Variants in GALNT18 observed in about 807,000 individuals in gnomAD.
GALNT18 encodes the protein GalNAc-transferase 18.
A neutral mutation model predicts 69.5 loss-of-function variants in GALNT18; 44 were observed. That is an observed-to-expected ratio of 0.63 (90% confidence interval 0.50 to 0.81). The LOEUF is 0.81. Ranked by LOEUF, GALNT18 falls within the 40% of genes least tolerant of loss-of-function variation. The pLI is 0.00. For synonymous variants in GALNT18, 364 were observed against 318.2 expected, an observed-to-expected ratio of 1.14 and a Z score of -1.53; for missense variants, 715 against 810.0, an observed-to-expected ratio of 0.88 and a Z score of 1.42.
chr11:11,293,149 C>G lies in GALNT18; in HGVS notation c.1557G>C (p.Leu519=). ...TSSQQIHVGI[L]SPTVDDDDNR... Reference sequence around the variant, plus strand: ...TGTCATCATCATCCACGGTGGGGCTCAGAATGCCCACATGGATCTGCTGAC... The same window carrying G: ...TGTCATCATCATCCACGGTGGGGCTGAGAATGCCCACATGGATCTGCTGAC... Residue 519 remains leucine (L), a synonymous_variant, in exon 10 of 11, where the codon CTG becomes CTC. Coordinates refer to ENST00000227756, the MANE Select transcript of GALNT18 (RefSeq NM_198516.3). 1.5e-6 allele frequency: 2 copies of G among 1,353,226 alleles called. No individual in the cohort carries two copies. The highest frequency in any genetic ancestry group is 1.9e-6 in the Non-Finnish European group (2 of 1,042,524). 83.8% of individuals were successfully genotyped at this position (1,353,226 alleles called of 1,614,324 possible).
chr11:11,328,719 T>C (rs925829172), intron 8 of GALNT18, among the ~76,000 whole-genome samples: 1 of 152,234 alleles, frequency 6.6e-6, no homozygotes, highest in African/African-American at 2.4e-5. Context: ...TCCTCCATTA[T>C]AAACCAATTC....
chr11:11,281,681 A>G (rs1196044681), intron 10 of GALNT18, among the ~76,000 whole-genome samples: 1 of 152,138 alleles, frequency 6.6e-6, no homozygotes, highest in Non-Finnish European at 1.5e-5. Flanking sequence ...AGCATCCTTC[A>G]GAGACTCCCA....
chr11:11,607,741 A>G (rs1176876960), intron 1 of GALNT18, among the ~76,000 whole-genome samples: 1 of 152,176 alleles, frequency 6.6e-6, no homozygotes, highest in East Asian at 1.9e-4. Context: ...ATTTGGTTTG[A>G]AAGTTGAGTT....
intron 1 of GALNT18, among the ~76,000 whole-genome samples, chr11:11,519,656 G>A (rs367701258): frequency 2.6e-5 from 4 of 152,058 alleles, no homozygotes; most frequent in Admixed American, 6.5e-5. Context: ...ATCTCCCCTC[G>A]GAGAGCTCTC....
Position 11,372,396 on chromosome 11 carries a change from G to C in GALNT18, c.1092+119C>G. The C allele has an allele frequency of 1.3e-6, 1 of 754,282 alleles. No individual in the cohort carries two copies. Among genetic ancestry groups the C allele is most frequent in the Non-Finnish European group, 2.3e-6 (1 of 439,918 alleles). The allele number at this position is 754,282 out of a possible 1,614,324, so 46.7% of individuals were successfully genotyped here. ...CAATCCCAATCACACACAGGATTCA[G>C]GACTGGACATTCAGAATCAGTCTGT... On this transcript the variant is annotated intron_variant, in intron 6 of 10. Coordinates refer to ENST00000227756, the MANE Select transcript of GALNT18 (RefSeq NM_198516.3). The surrounding 1 kb of genome is among the most constrained non-coding windows in gnomAD (Gnocchi z 4.9).
intron 1 of GALNT18, among the ~76,000 whole-genome samples, chr11:11,549,158 T>C (rs114768394): frequency 0.022 from 3,328 of 152,290 alleles, 86 homozygotes; most frequent in African/African-American, 0.057. Flanking sequence ...GCACACATAA[T>C]GACTGGAGCT....
At chr11:11,379,367 G>C in intron 3 of GALNT18, 103 bp from the exon 4 acceptor site, 1 of 1,172,576 alleles carries the variant, frequency 8.5e-7, no homozygotes, top group Non-Finnish European at 1.2e-6. Flanking sequence ...GAGAAAGGCT[G>C]GGGGACCCAT....
chr11:11,291,885 A>G (rs530581314), intron 10 of GALNT18, among the ~76,000 whole-genome samples: 26 of 152,322 alleles, frequency 1.7e-4, no homozygotes, highest in Non-Finnish European at 2.9e-4. Flanking sequence ...CCCAGACCAC[A>G]GTCAAAGGTG....
At chr11:11,561,962 A>G (rs1858521041) in intron 1 of GALNT18, among the ~76,000 whole-genome samples, 1 of 152,362 alleles carries the variant, frequency 6.6e-6, no homozygotes, top group East Asian at 1.9e-4. Flanking sequence ...ACAGGGGTGA[A>G]GGGACCTGCC....
rs76904655 is a variant in GALNT18, at chr11:11,596,009, A to G, written c.235+25350T>C. Among the ~76,000 whole-genome samples the G allele has an allele frequency of 5.6e-4, 85 of 152,152 alleles. 1 individual carries two copies. In the East Asian group the frequency reaches 0.016, roughly 28 times the overall value. Reference sequence around the variant, plus strand: ...AGGTTTGTCTTCTTCTAAGAGTTCTATGATTTTATCTCTTATATTTAGTTC... The same window carrying G: ...AGGTTTGTCTTCTTCTAAGAGTTCTGTGATTTTATCTCTTATATTTAGTTC... On this transcript the variant is annotated intron_variant, in intron 1 of 10. Coordinates refer to ENST00000227756, the MANE Select transcript of GALNT18 (RefSeq NM_198516.3). The surrounding 1 kb of genome is among the most constrained non-coding windows in gnomAD (Gnocchi z 4.2).
chr11:11,281,876 G>T (rs1283003052), intron 10 of GALNT18, among the ~76,000 whole-genome samples: 1 of 151,938 alleles, frequency 6.6e-6, no homozygotes, highest in Non-Finnish European at 1.5e-5. Flanking sequence ...GTCAGGGAGG[G>T]TGGAGTATGA....
At chr11:11,429,488 T>C (rs1257362517) in intron 3 of GALNT18, among the ~76,000 whole-genome samples, 1 of 152,202 alleles carries the variant, frequency 6.6e-6, no homozygotes, top group African/African-American at 2.4e-5. Context: ...GCCGTGCAGT[T>C]TGCTGGCTTA....
intron 1 of GALNT18, among the ~76,000 whole-genome samples, chr11:11,514,116 TGGACCCAAACCCATCC>T (rs1420091432): frequency 6.6e-6 from 1 of 152,206 alleles, no homozygotes; most frequent in African/African-American, 2.4e-5. Context: ...AAGAGAAACT[TGGACCCAAACCCATCC>T]AATGATTCCC....
At position 11,314,831 on chromosome 11, in the gene GALNT18, G is replaced by A. The variant is rs190697861; in HGVS notation, c.1512+12255C>T. Among the ~76,000 whole-genome samples, 1,500 of 150,354 alleles carry A rather than the reference G, an allele frequency of 1.0e-2. 26 individuals carry two copies. The highest frequency in any genetic ancestry group is 0.054 in the South Asian group (257 of 4,790). ...AGCCCTCCTCTTCCCAGCCTTCGCC[G>A]TGGGAGCAGTTGCTCCTGGCTGTGA... On this transcript the variant is annotated intron_variant, in intron 9 of 10. Coordinates refer to ENST00000227756, the MANE Select transcript of GALNT18 (RefSeq NM_198516.3). The surrounding 1 kb of genome is among the most constrained non-coding windows in gnomAD (Gnocchi z 5.2).
intron 1 of GALNT18, among the ~76,000 whole-genome samples, chr11:11,572,461 C>T (rs1020854911): frequency 1.3e-5 from 2 of 152,124 alleles, no homozygotes; most frequent in African/African-American, 2.4e-5. Flanking sequence ...GGTAAATAAC[C>T]GAGACAGAGT....
At chr11:11,378,142 A>C (rs1853818927) in intron 4 of GALNT18, among the ~76,000 whole-genome samples, 1 of 152,224 alleles carries the variant, frequency 6.6e-6, no homozygotes, top group Non-Finnish European at 1.5e-5. Flanking sequence ...AGGGACTTCA[A>C]CTATAAAAAA....
At chr11:11,445,414 T>G (rs1855626674) in intron 2 of GALNT18, among the ~76,000 whole-genome samples, 1 of 152,194 alleles carries the variant, frequency 6.6e-6, no homozygotes, top group Non-Finnish European at 1.5e-5. Context: ...TGTTTGCCAG[T>G]GTCGTTTGAA....
In GALNT18 at chr11:11,364,226, A is replaced by G. The variant is rs184216160; in HGVS notation, c.1092+8289T>C. Among the ~76,000 whole-genome samples, 421 of 152,372 alleles carry G rather than the reference A, an allele frequency of 2.8e-3. 3 individuals are homozygous for G. Among genetic ancestry groups the G allele is most frequent in the Non-Finnish European group, 4.5e-3 (303 of 68,036 alleles). ...AGTATTTCAGTTAATAAATGAGGAA[A>G]GAGAAATAAAATTAAAATATTACTA... On this transcript the variant is annotated intron_variant, in intron 6 of 10. Coordinates refer to ENST00000227756, the MANE Select transcript of GALNT18 (RefSeq NM_198516.3).
chr11:11,528,771 T>G (rs1857575801), intron 1 of GALNT18, among the ~76,000 whole-genome samples: 1 of 152,072 alleles, frequency 6.6e-6, no homozygotes, highest in Non-Finnish European at 1.5e-5. Context: ...AATGGAATAT[T>G]AAAAAGGAAG....
Sources: allele counts gnomAD v4.1 joint callset (sites outside exome capture counted in the v4.1 genomes callset), GRCh38; gene constraint gnomAD v4.1.1; non-coding constraint Gnocchi (gnomAD v3.1); transcripts MANE v1.5; gene names NCBI Gene and HGNC (gene_info 2026-07-23, HGNC 2026-07-21).